Variants in ASXL3 observed in about 807,000 individuals in gnomAD.
ASXL3 encodes putative Polycomb group protein ASXL3.
Under a neutral mutation model 170.6 loss-of-function variants are expected in ASXL3, and 34 were observed. The ratio of observed to expected loss-of-function variants is 0.20; its 90% confidence interval spans 0.15 to 0.27. The LOEUF is 0.27. Ranked by LOEUF, ASXL3 falls within the 10% of genes least tolerant of loss-of-function variation. The pLI is 1.00. For missense variants in ASXL3, 2,592 were observed against 2,695.3 expected (o/e 0.96, Z 0.85); for synonymous variants, 1,002 against 989.1 (o/e 1.01, Z -0.24).
chr18:33,737,232 C>T (rs899228109), intron 10 of ASXL3, among the ~76,000 whole-genome samples: 1 of 152,060 alleles, frequency 6.6e-6, no homozygotes. Flanking sequence ...AGGCTATGGC[C>T]AAATACCCAA....
intron 8 of ASXL3, among the ~76,000 whole-genome samples, chr18:33,686,478 T>A (rs1199794085): frequency 1.3e-5 from 2 of 152,204 alleles, no homozygotes; most frequent in African/African-American, 2.4e-5. Flanking sequence ...AATGTAGTAT[T>A]GGAGAAGATT....
intron 2 of ASXL3, among the ~76,000 whole-genome samples, chr18:33,624,290 ACT>A (rs910007701): frequency 6.6e-6 from 1 of 151,872 alleles, no homozygotes; most frequent in Non-Finnish European, 1.5e-5. Context: ...CTTATTTGTA[ACT>A]CAGCATTTTT....
intron 9 of ASXL3, among the ~76,000 whole-genome samples, chr18:33,734,042 A>ATTGCTTTAGC (rs2067499946): frequency 2.5e-4 from 11 of 44,294 alleles, no homozygotes; most frequent in Admixed American, 5.2e-4. Context: ...ACATTTGCTA[A>ATTGCTTTAGC]ATGCTTTAGC....
rs1025604223 is a variant in ASXL3, at chr18:33,607,673, C to T, written c.134C>T (p.Thr45Ile). The T allele has an allele frequency of 1.3e-6, 2 of 1,572,372 alleles. No individual in the cohort carries two copies. The highest frequency in any genetic ancestry group is 2.7e-5 in the African/African-American group (2 of 73,944). The change falls in exon 2 of 12, where the codon ACA (threonine) becomes ATA (isoleucine). Residue 45 changes from threonine to isoleucine, a missense_variant. Physicochemically the swap from Thr to Ile is moderately conservative, Grantham distance 89 (BLOSUM62 -1). This residue lies in a region of ASXL3 where 251 missense variants were observed against 281.9 expected (regional missense o/e 0.89). Transcript: ENST00000269197. ...ATTCAGAAAGAAGGGTTAAAAGAAA[C>T]AAGGTCAGTATCCATATTTAAAACA... ...EVIQKEGLKE[T>I]SGTSPLACLN...
chr18:33,700,038 A>G (rs1394605727), intron 8 of ASXL3, among the ~76,000 whole-genome samples: 1 of 152,112 alleles, frequency 6.6e-6, no homozygotes, highest in Non-Finnish European at 1.5e-5. Flanking sequence ...GTTAGAGAAG[A>G]AAGAAGTTGA....
rs143189662 is a variant in ASXL3 at position 33,748,316 on chromosome 18, T to A, written c.*1721T>A. The A allele has an allele frequency of 6.6e-6, 1 of 152,338 alleles. No individual in the cohort carries two copies. The highest frequency in any genetic ancestry group is 1.9e-4 in the East Asian group (1 of 5,180). 9.4% of individuals were successfully genotyped at this position (152,338 alleles called of 1,614,324 possible). A position where few individuals can be genotyped will look rare whatever the true frequency, so the allele number is the denominator to read the frequency against. On this transcript the variant is annotated 3_prime_UTR_variant, in exon 12 of 12. Coordinates refer to ENST00000269197, the MANE Select transcript of ASXL3 (RefSeq NM_030632.3). ...AATAACCAACTATATAATATGTTTT[T>A]TTCTCCGTATTTATTGTGATGTTGC...
chr18:33,687,784 C>T (rs1247536212), intron 8 of ASXL3, among the ~76,000 whole-genome samples: 1 of 152,038 alleles, frequency 6.6e-6, no homozygotes, highest in African/African-American at 2.4e-5. Context: ...TAGTTTTATA[C>T]TTAAGTTTAT....
chr18:33,594,836 A>G (rs2145103160), intron 1 of ASXL3, among the ~76,000 whole-genome samples: 1 of 152,194 alleles, frequency 6.6e-6, no homozygotes, highest in South Asian at 2.1e-4. Context: ...TGGCCTCCCA[A>G]AGTGCTGGGA....
At position 33,747,847 on chromosome 18, in the gene ASXL3, T is replaced by C. The variant is rs978683052; in HGVS notation, c.*1252T>C. 2.0e-5 allele frequency: 3 copies of C among 152,254 alleles called. No homozygotes were observed. The highest frequency in any genetic ancestry group is 4.1e-4 in the South Asian group (2 of 4,834). 9.4% of individuals were successfully genotyped at this position (152,254 alleles called of 1,614,324 possible). A position where few individuals can be genotyped will look rare whatever the true frequency, so the allele number is the denominator to read the frequency against. ...GCTTTTGAAAAAGGGATACTGCATC[T>C]TAACAGTTATCTTCAGTGTGCATCC... On this transcript the variant is annotated 3_prime_UTR_variant, in exon 12 of 12. Transcript: ENST00000269197.
In ASXL3 at chr18:33,748,311, GT is replaced by G. The variant is rs923222042; in HGVS notation, c.*1723del. ...TTTATAATAACCAACTATATAATAT[GT>G]TTTTTTCTCCGTATTTATTGTGATG... On this transcript the variant is annotated 3_prime_UTR_variant, in exon 12 of 12. Transcript: ENST00000269197. 2.5e-4 allele frequency: 38 copies of G among 152,012 alleles called. No individual in the cohort carries two copies. The highest frequency in any genetic ancestry group is 9.2e-4 in the African/African-American group (38 of 41,378). The allele number at this position is 152,012 out of a possible 1,614,324, so 9.4% of individuals were successfully genotyped here. A position where few individuals can be genotyped will look rare whatever the true frequency, so the allele number is the denominator to read the frequency against.
At chr18:33,723,317 C>A (rs1257980289) in intron 8 of ASXL3, among the ~76,000 whole-genome samples, 2 of 152,064 alleles carry the variant, frequency 1.3e-5, no homozygotes, top group South Asian at 2.1e-4. Flanking sequence ...TTCTGGATGC[C>A]ATTAAGAACA....
intron 4 of ASXL3, among the ~76,000 whole-genome samples, chr18:33,652,942 A>T (rs943188136): frequency 5.5e-4 from 83 of 152,180 alleles, no homozygotes; most frequent in African/African-American, 1.9e-3. Flanking sequence ...AAATTGGGGC[A>T]TACATTTAAA....
intron 8 of ASXL3, among the ~76,000 whole-genome samples, chr18:33,698,532 G>A (rs1356576334): frequency 2.6e-5 from 4 of 152,048 alleles, no homozygotes; most frequent in Non-Finnish European, 5.9e-5. Context: ...GAGTTAAAAG[G>A]AATTGGGAAC....
intron 5 of ASXL3, among the ~76,000 whole-genome samples, chr18:33,669,780 C>A (rs773289170): frequency 1.1e-4 from 16 of 152,058 alleles, no homozygotes; most frequent in Non-Finnish European, 2.2e-4. Context: ...ATGAAGCCAG[C>A]CTTTTAACCT....
chr18:33,720,890 T>C (rs1233884662), intron 8 of ASXL3, among the ~76,000 whole-genome samples: 1 of 152,270 alleles, frequency 6.6e-6, no homozygotes, highest in Middle Eastern at 3.4e-3. Flanking sequence ...AATAATATCA[T>C]TGGAAAATAA....
At chr18:33,652,119 T>C (rs1234112748) in intron 4 of ASXL3, among the ~76,000 whole-genome samples, 2 of 152,082 alleles carry the variant, frequency 1.3e-5, no homozygotes, top group Non-Finnish European at 2.9e-5. Context: ...TGACCATTTA[T>C]GCCTATGTAA....
chr18:33,645,541 T>C (rs980239944), intron 3 of ASXL3, among the ~76,000 whole-genome samples: 7 of 151,966 alleles, frequency 4.6e-5, no homozygotes, highest in Non-Finnish European at 7.4e-5. Context: ...GAGTCTTAAT[T>C]ATTTTAGTAT....
At chr18:33,657,184 G>T (rs1294338362) in intron 4 of ASXL3, among the ~76,000 whole-genome samples, 1 of 152,052 alleles carries the variant, frequency 6.6e-6, no homozygotes, top group African/African-American at 2.4e-5. Context: ...GGGGGAAGCT[G>T]TTCAGAATTT....
At position 33,745,680 on chromosome 18, in the gene ASXL3, T is replaced by C. The variant is rs1196850079; in HGVS notation, c.5832T>C (p.Thr1944=). The change falls in exon 12 of 12, where the codon ACT becomes ACC. Residue 1944 remains threonine (T), a synonymous_variant. Transcript: ENST00000269197. ...MPVAARGPIP[T]AALLQASSKT... is the part of the protein sequence containing the mutation. ...TGGCTGCCAGGGGCCCCATTCCTAC[T>C]GCAGCTCTGTTACAGGCCTCTTCCA... 7 of 1,613,992 alleles carry C rather than the reference T, an allele frequency of 4.3e-6. No individual in the cohort carries two copies. The South Asian group carries it at 6.6e-5, about 15-fold the overall frequency.
Sources: allele counts gnomAD v4.1 joint callset (sites outside exome capture counted in the v4.1 genomes callset), GRCh38; gene constraint gnomAD v4.1.1; regional missense constraint gnomAD v4.1.1; transcripts MANE v1.5; gene names NCBI Gene and HGNC (gene_info 2026-07-23, HGNC 2026-07-21).